The following PLA2G7 variants were observed in gnomAD, a reference collection of about 807,000 sequenced individuals.
PLA2G7 encodes the protein platelet-activating factor acetylhydrolase.
In PLA2G7, 63 loss-of-function variants were observed where a neutral mutation model predicts 49.6. The ratio of observed to expected loss-of-function variants is 1.27; its 90% CI spans 1.04 to 1.57. The LOEUF (loss-of-function observed/expected upper bound fraction) is 1.57. Ranked by LOEUF, PLA2G7 falls within the 40% of genes most tolerant of loss-of-function variation. The pLI, the probability that PLA2G7 is intolerant of heterozygous loss-of-function variation, is 0.00. For missense variants in PLA2G7, 596 were observed against 521.2 expected (o/e 1.14, Z -1.40); for synonymous variants, 193 against 169.9 (o/e 1.14, Z -1.06).
At chr6:46,732,662 T>C (rs1257773233) in intron 1 of PLA2G7, among the ~76,000 whole-genome samples, 2 of 152,292 alleles carry the variant, frequency 1.3e-5, no homozygotes, top group East Asian at 3.9e-4. Context: ...ACTTTTTATT[T>C]CTCCTCAACT....
chr6:46,716,707 A>C (rs899354628), intron 3 of PLA2G7, among the ~76,000 whole-genome samples, 179 bp from the exon 4 acceptor site: 10 of 152,362 alleles, frequency 6.6e-5, no homozygotes, highest in South Asian at 4.1e-4. Context: ...ACAGAAAAAC[A>C]ATATTCTATC....
intron 1 of PLA2G7, among the ~76,000 whole-genome samples, chr6:46,730,226 G>A (rs926569879): frequency 6.6e-6 from 1 of 152,222 alleles, no homozygotes; most frequent in Non-Finnish European, 1.5e-5. Flanking sequence ...TTTTAATGTG[G>A]AAAACCTAGG....
At chr6:46,720,553 T>G (rs544141616) in intron 2 of PLA2G7, among the ~76,000 whole-genome samples, 3 of 152,162 alleles carry the variant, frequency 2.0e-5, no homozygotes, top group African/African-American at 7.2e-5. Flanking sequence ...ACAGGCTCCA[T>G]AGCCTACAGC....
upstream of PLA2G7, chr6:46,735,529 C>T (rs1435676759): frequency 6.6e-6 from 1 of 152,504 alleles, no homozygotes. Context: ...CCAGCACCCT[C>T]CCCAAGACCA....
intron 5 of PLA2G7, among the ~76,000 whole-genome samples, 174 bp downstream of exon 5, chr6:46,714,286 A>G (rs1215729483): frequency 6.6e-6 from 1 of 152,134 alleles, no homozygotes; most frequent in Non-Finnish European, 1.5e-5. Flanking sequence ...GGAAAAAACT[A>G]CTTGACCAGA....
Position 46,704,712 on chromosome 6 carries a change from TGTTA to T in PLA2G7, c.1190-20_1190-17del, listed in dbSNP as rs1562065625. On this transcript the variant is annotated splice_polypyrimidine_tract_variant and intron_variant, in intron 11 of 11. Transcript: ENST00000274793. The stretch of plus-strand genomic sequence containing the variant: ...TTATGAAGTCCTATAAAATATAAAG[TGTTA>T]ATCAACATATTAAACTTTTGAGAGC... 1 of 1,493,552 alleles carries T rather than the reference TGTTA, an allele frequency of 6.7e-7. No homozygotes were observed. Among genetic ancestry groups the T allele is most frequent in the Non-Finnish European group, 9.3e-7 (1 of 1,075,072 alleles). The allele number at this position is 1,493,552 out of a possible 1,614,324, so 92.5% of individuals were successfully genotyped here. A position where few individuals can be genotyped will look rare whatever the true frequency, so the allele number is the denominator to read the frequency against.
In PLA2G7 at chr6:46,716,306, A is replaced by G. The variant is rs556394219; in HGVS notation, c.376+78T>C. 75 of 1,462,880 alleles carry G rather than the reference A, an allele frequency of 5.1e-5. No homozygotes were observed. The African/African-American group carries it at 8.1e-4, about 16-fold the overall frequency. 90.6% of individuals were successfully genotyped at this position (1,462,880 alleles called of 1,614,324 possible). On this transcript the variant is annotated intron_variant, in intron 4 of 11. Coordinates refer to ENST00000274793, the MANE Select transcript of PLA2G7 (RefSeq NM_005084.4). ...CTGAAGAAAAATCTACTTTGGTCTT[A>G]ACTACTTGAAGTTCTTGTTGTTTTC...
chr6:46,729,028 C>A (rs1240223545), intron 1 of PLA2G7, among the ~76,000 whole-genome samples: 1 of 152,108 alleles, frequency 6.6e-6, no homozygotes, highest in Admixed American at 6.5e-5. Context: ...GGGATGTGAG[C>A]CCTTGGAGAA....
intron 1 of PLA2G7, among the ~76,000 whole-genome samples, chr6:46,725,387 A>G (rs1209395734): frequency 6.6e-6 from 1 of 151,910 alleles, no homozygotes; most frequent in East Asian, 1.9e-4. Context: ...GCCCACCTCC[A>G]TGCCCGGCTA....
intron 7 of PLA2G7, 33 bp from the exon 8 acceptor site, chr6:46,710,691 A>G: frequency 6.6e-7 from 1 of 1,506,658 alleles, no homozygotes. Flanking sequence ...GAAATGACAA[A>G]GTAAAAAGTT....
At chr6:46,720,264 G>T (rs1765352130) in intron 2 of PLA2G7, among the ~76,000 whole-genome samples, 1 of 152,354 alleles carries the variant, frequency 6.6e-6, no homozygotes, top group East Asian at 1.9e-4. Context: ...GCATGGGAGG[G>T]TTTCACCCAA....
Position 46,714,488 on chromosome 6 carries a change from C to A in PLA2G7, c.442G>T (p.Val148Phe), listed in dbSNP as rs771055269. Residue 148 changes from valine (V) to phenylalanine (F), a missense_variant, in exon 5 of 12, where the codon GTT (valine) becomes TTT (phenylalanine). Transcript: ENST00000274793. ...AATGCCCCAAGACCATGAGAAAAAACAACAAGTGGATATTTTTCACCAGGC... is the reference window on the plus strand; with the variant it reads ...AATGCCCCAAGACCATGAGAAAAAAAAACAAGTGGATATTTTTCACCAGGC... ...LRPGEKYPLVVFSHGLGAFRT... is the reference protein window; with the variant it reads ...LRPGEKYPLVFFSHGLGAFRT... 1.9e-6 allele frequency: 3 copies of A among 1,612,228 alleles called. No individual in the cohort carries two copies. In the South Asian group the frequency reaches 3.3e-5, roughly 18 times the overall value.
At chr6:46,731,565 T>TTA (rs1199643920) in intron 1 of PLA2G7, among the ~76,000 whole-genome samples, 5 of 152,224 alleles carry the variant, frequency 3.3e-5, no homozygotes, top group Non-Finnish European at 7.3e-5. Flanking sequence ...CGACTTGTTT[T>TTA]TATTGGTAAC....
chr6:46,728,489 A>G (rs1765636400), intron 1 of PLA2G7, among the ~76,000 whole-genome samples: 1 of 152,208 alleles, frequency 6.6e-6, no homozygotes, highest in Non-Finnish European at 1.5e-5. Context: ...AGGAAGAAAT[A>G]TTTATTTCAT....
intron 5 of PLA2G7, 30 bp downstream of exon 5, chr6:46,714,430 G>A (rs771233593): frequency 1.9e-5 from 26 of 1,356,522 alleles, no homozygotes; most frequent in Non-Finnish European, 2.6e-5. Context: ...ATTCCTGGAA[G>A]CCAAAATTGT....
chr6:46,707,114 C>T (rs1311372157), intron 10 of PLA2G7, among the ~76,000 whole-genome samples: 1 of 152,090 alleles, frequency 6.6e-6, no homozygotes, highest in African/African-American at 2.4e-5. Context: ...TTTTCACCTC[C>T]AGGATACAAG....
At chr6:46,710,898 C>T (rs1562069932) in intron 7 of PLA2G7, among the ~76,000 whole-genome samples, 1 of 152,180 alleles carries the variant, frequency 6.6e-6, no homozygotes, top group African/African-American at 2.4e-5. Context: ...TTTACTTAAC[C>T]TCTCTGAGTT....
chr6:46,716,766 G>GA (rs1176700984), intron 3 of PLA2G7, among the ~76,000 whole-genome samples: 1 of 152,160 alleles, frequency 6.6e-6, no homozygotes, highest in African/African-American at 2.4e-5. Flanking sequence ...TTAAGGAAGT[G>GA]AAAAATAAGG....
Position 46,717,969 on chromosome 6 carries a change from G to A in PLA2G7, c.110-873C>T, listed in dbSNP as rs938798275. On this transcript the variant is annotated intron_variant, in intron 2 of 11. Transcript: ENST00000274793. ...CTGACCTCGTGATCCGCCCACCTCA[G>A]CCTCCCAAAGTGCTGGGTTTACAGG... is the stretch of plus-strand genomic sequence containing the variant. Among the ~76,000 whole-genome samples the A allele has an allele frequency of 3.9e-5, 6 of 152,130 alleles. No homozygotes were observed. In the South Asian group the frequency reaches 1.2e-3, roughly 32 times the overall value.
Sources: allele counts gnomAD v4.1 joint callset (sites outside exome capture counted in the v4.1 genomes callset), GRCh38; gene constraint gnomAD v4.1.1; transcripts MANE v1.5; gene names NCBI Gene and HGNC (gene_info 2026-07-23, HGNC 2026-07-21).